The following XRN2 variants were observed in gnomAD, a reference collection of about 807,000 sequenced individuals.
XRN2 encodes DHM1-like protein.
A neutral mutation model predicts 138.5 loss-of-function variants in XRN2; 44 were observed. The observed-to-expected ratio is 0.32, with a 90% CI of 0.25 to 0.41. The LOEUF (loss-of-function observed/expected upper bound fraction) is 0.41, where lower values mean the gene tolerates loss of function less well. Among genes scored for constraint, XRN2 ranks in the 10% least tolerant of loss-of-function variants. The probability of loss-of-function intolerance (pLI) is 1.00; values close to 1 mark genes in which losing one functional copy is unlikely to be tolerated. For synonymous variants in XRN2, 354 were observed against 369.4 expected (o/e 0.96, Z 0.48); for missense variants, 937 against 1,169.3 (o/e 0.80, Z 2.90).
At chr20:21,358,398 A>T (rs1822827587) in intron 24 of XRN2, among the ~76,000 whole-genome samples, 1 of 152,214 alleles carries the variant, frequency 6.6e-6, no homozygotes, top group Admixed American at 6.5e-5. Flanking sequence ...ATTTGGACTA[A>T]AATCCAACAA....
rs115553041 is a variant in XRN2, at chr20:21,343,016, A to T, written c.1411-1074A>T. ...TTAAAAGAGATGTGCTCTAAGTTCTATGTGAAATATGATTTCGTATTATTT... is the reference window on the plus strand; with the variant it reads ...TTAAAAGAGATGTGCTCTAAGTTCTTTGTGAAATATGATTTCGTATTATTT... On this transcript the variant is annotated intron_variant, in intron 15 of 29. Transcript: ENST00000377191. 3.3e-3 allele frequency among the ~76,000 whole-genome samples: 510 copies of T among 152,246 alleles called. 4 individuals are homozygous for T. The highest frequency in any genetic ancestry group is 0.012 in the African/African-American group (496 of 41,552).
intron 21 of XRN2, among the ~76,000 whole-genome samples, chr20:21,355,634 T>C (rs2038566754): frequency 2.0e-5 from 3 of 152,118 alleles, no homozygotes; most frequent in Admixed American, 1.3e-4. Flanking sequence ...TTTTTGAAAC[T>C]TTTTTGTTAA....
chr20:21,318,528 A>G (rs1340179876), intron 1 of XRN2, among the ~76,000 whole-genome samples: 1 of 151,028 alleles, frequency 6.6e-6, no homozygotes, highest in African/African-American at 2.4e-5. Flanking sequence ...TTTTTTTTTT[A>G]ATTAACTTTT....
At chr20:21,381,300 A>T (rs2038880348) in intron 27 of XRN2, among the ~76,000 whole-genome samples, 2 of 152,204 alleles carry the variant, frequency 1.3e-5, no homozygotes, top group Admixed American at 6.5e-5. Context: ...AGGTGAAGTG[A>T]CTGCAAGCTG....
At position 21,338,791 on chromosome 20, in the gene XRN2, TA is replaced by T. The variant is rs368917009; in HGVS notation, c.1234-249del. Among the ~76,000 whole-genome samples, 608 of 152,330 alleles carry T rather than the reference TA, an allele frequency of 4.0e-3. 7 individuals carry two copies. Among genetic ancestry groups the T allele is most frequent in the African/African-American group, 0.014 (594 of 41,582 alleles). On this transcript the variant is annotated intron_variant, in intron 13 of 29. Transcript: ENST00000377191. Reference sequence around the variant, plus strand: ...TCTTTGTAATGGCTTTGCATTTTCCTAAAATGATTCAAAAGCTTTCTGAACA... The same window carrying T: ...TCTTTGTAATGGCTTTGCATTTTCCTAAATGATTCAAAAGCTTTCTGAACA...
rs200140309 is a variant in XRN2 at position 21,340,696 on chromosome 20, T to C, written c.1279-25T>C. 4.3e-5 allele frequency: 69 copies of C among 1,605,418 alleles called. No homozygotes were observed. The African/African-American group carries it at 7.9e-4, about 18-fold the overall frequency. ...ACTGTGTTGTGATTTAATTTTAATT[T>C]CTACATTCATTCCATTTATGTTAGA... On this transcript the variant is annotated intron_variant, in intron 14 of 29. Coordinates refer to ENST00000377191, the MANE Select transcript of XRN2 (RefSeq NM_012255.5).
At chr20:21,347,147 C>G (rs934208048) in intron 17 of XRN2, among the ~76,000 whole-genome samples, 1 of 152,146 alleles carries the variant, frequency 6.6e-6, no homozygotes, top group African/African-American at 2.4e-5. Flanking sequence ...AAGGTTAGTG[C>G]TTTTTAAATT....
chr20:21,313,537 A>G (rs867097672), intron 1 of XRN2, among the ~76,000 whole-genome samples: 20 of 152,248 alleles, frequency 1.3e-4, no homozygotes, highest in African/African-American at 4.8e-5. Context: ...GATTAGATGT[A>G]TTAATACCAG....
chr20:21,382,144 TG>T (rs1285941363), intron 28 of XRN2, 87 bp downstream of exon 28: 4 of 1,122,274 alleles, frequency 3.6e-6, no homozygotes, highest in African/African-American at 1.6e-5. Context: ...AAAACCTCTG[TG>T]GTTTGAAATG....
intron 26 of XRN2, among the ~76,000 whole-genome samples, chr20:21,367,742 T>TTC (rs1273088407): frequency 6.6e-6 from 1 of 152,176 alleles, no homozygotes; most frequent in African/African-American, 2.4e-5. Context: ...AAAATCTTCA[T>TTC]TCTTAGTAGC....
chr20:21,375,291 T>A (rs1276832409), intron 27 of XRN2, among the ~76,000 whole-genome samples: 1 of 151,670 alleles, frequency 6.6e-6, no homozygotes, highest in Non-Finnish European at 1.5e-5. Flanking sequence ...TTTCCCTCCA[T>A]GTACATTTGT....
intron 1 of XRN2, among the ~76,000 whole-genome samples, chr20:21,320,994 C>T (rs1345887375): frequency 1.3e-5 from 2 of 151,994 alleles, no homozygotes; most frequent in African/African-American, 4.8e-5. Context: ...AGTTGCTCTT[C>T]ACCATAGCTT....
At chr20:21,377,264 CTTTT>C (rs761622310) in intron 27 of XRN2, among the ~76,000 whole-genome samples, 2 of 82,782 alleles carry the variant, frequency 2.4e-5, no homozygotes, top group Non-Finnish European at 4.2e-5. Context: ...TCGGTTTTTT[CTTTT>C]TTTTTTTTTT....
Position 21,340,796 on chromosome 20 carries a change from C to G in XRN2, c.1354C>G (p.Gln452Glu). Reference sequence around the variant, plus strand: ...GGGTTCAAGAAATTCACCAGGTTCTCAAGTAGCCAGTAATCCGAGACAAGC... The same window carrying G: ...GGGTTCAAGAAATTCACCAGGTTCTGAAGTAGCCAGTAATCCGAGACAAGC... ...ALGSRNSPGS[Q>E]VASNPRQAAY... Residue 452 changes from glutamine (Q) to glutamate (E), a missense_variant, in exon 15 of 30, where the codon CAA (glutamine) becomes GAA (glutamate). This residue lies in a region of XRN2 where 471 missense variants were observed against 581.2 expected (regional missense o/e 0.81). Coordinates refer to ENST00000377191, the MANE Select transcript of XRN2 (RefSeq NM_012255.5). 1 of 1,613,964 alleles carries G rather than the reference C, an allele frequency of 6.2e-7. No homozygotes were observed. The highest frequency in any genetic ancestry group is 8.5e-7 in the Non-Finnish European group (1 of 1,179,898).
intron 1 of XRN2, among the ~76,000 whole-genome samples, chr20:21,308,369 T>A (rs1423215331): frequency 6.6e-6 from 1 of 152,130 alleles, no homozygotes; most frequent in Admixed American, 6.5e-5. Flanking sequence ...GGAAAAACAT[T>A]AGGAGTGAAA....
intron 20 of XRN2, among the ~76,000 whole-genome samples, chr20:21,351,655 T>C (rs1358949249): frequency 1.3e-5 from 2 of 152,226 alleles, no homozygotes; most frequent in Non-Finnish European, 2.9e-5. Flanking sequence ...CCAAGAAATC[T>C]TTACCAAATC....
chr20:21,305,497 C>T (rs60826816), intron 1 of XRN2, among the ~76,000 whole-genome samples: 673 of 20,572 alleles, frequency 0.033, 1 homozygote, highest in Middle Eastern at 0.11. Context: ...TCAGGTGATC[C>T]GCCTGCCTCA....
intron 9 of XRN2, among the ~76,000 whole-genome samples, chr20:21,333,157 G>A (rs981560908): frequency 6.6e-6 from 1 of 152,176 alleles, no homozygotes. Flanking sequence ...CAAGGAAGGG[G>A]TAATCATTGG....
At chr20:21,336,196 A>G (rs754227366) in intron 13 of XRN2, among the ~76,000 whole-genome samples, 1 of 152,226 alleles carries the variant, frequency 6.6e-6, no homozygotes, top group Non-Finnish European at 1.5e-5. Flanking sequence ...GTGGTGGCTC[A>G]TGCCTTTAAT....
Sources: allele counts gnomAD v4.1 joint callset (sites outside exome capture counted in the v4.1 genomes callset), GRCh38; gene constraint gnomAD v4.1.1; regional missense constraint gnomAD v4.1.1; transcripts MANE v1.5; gene names NCBI Gene and HGNC (gene_info 2026-07-23, HGNC 2026-07-21).